Variants in WASF2 observed in about 807,000 individuals in gnomAD.
WASF2 encodes the protein WASP family member 2.
Under a neutral mutation model 45.0 loss-of-function variants are expected in WASF2, and 14 were observed. The observed-to-expected ratio is 0.31, with a 90% confidence interval of 0.21 to 0.49. The LOEUF is 0.49. WASF2 is among the 20% of genes least tolerant of loss of function. The pLI is 0.99. For missense variants in WASF2, 439 were observed against 636.1 expected (o/e 0.69, Z 3.33); for synonymous variants, 200 against 236.3 (o/e 0.85, Z 1.41).
At chr1:27,456,549 G>A (rs1032752818) in intron 1 of WASF2, among the ~76,000 whole-genome samples, 2 of 152,014 alleles carry the variant, frequency 1.3e-5, no homozygotes, top group Admixed American at 6.6e-5. Context: ...CATGGAAAGT[G>A]AAATTTAGAA....
At chr1:27,439,930 G>C (rs772196599) in intron 1 of WASF2, among the ~76,000 whole-genome samples, 1 of 152,160 alleles carries the variant, frequency 6.6e-6, no homozygotes, top group Non-Finnish European at 1.5e-5. Flanking sequence ...AACGCGGGAC[G>C]TTGAAGCTGC....
chr1:27,467,688 G>A (rs1416919599), intron 1 of WASF2, among the ~76,000 whole-genome samples: 4 of 151,352 alleles, frequency 2.6e-5, no homozygotes, highest in East Asian at 4.0e-4. Flanking sequence ...CGAGGTGGGC[G>A]GATCACGAGG....
At position 27,460,475 on chromosome 1, in the gene WASF2, T is replaced by C. The variant is rs138276958; in HGVS notation, c.-44+29511A>G. 5.3e-5 allele frequency among the ~76,000 whole-genome samples: 8 copies of C among 152,344 alleles called. No homozygotes were observed. The East Asian group carries it at 7.7e-4, about 15-fold the overall frequency. On this transcript the variant is annotated intron_variant, in intron 1 of 8. Transcript: ENST00000618852. The stretch of plus-strand genomic sequence containing the variant: ...CAATTATAATGAAGCAATTATCATG[T>C]CCTGTCACATTTGTGAAAACTAAAC...
At chr1:27,422,479 C>T (rs1045649139) in intron 2 of WASF2, among the ~76,000 whole-genome samples, 16 of 151,752 alleles carry the variant, frequency 1.1e-4, no homozygotes, top group African/African-American at 1.9e-4. Context: ...ATTAGCCAGG[C>T]GTGTTGGTGG....
chr1:27,461,397 T>C (rs1368346974), intron 1 of WASF2, among the ~76,000 whole-genome samples: 1 of 149,598 alleles, frequency 6.7e-6, no homozygotes, highest in Non-Finnish European at 1.5e-5. Flanking sequence ...TGGAGTGCAG[T>C]GGCGCTACCA....
At chr1:27,422,815 C>T (rs1270147878) in intron 2 of WASF2, among the ~76,000 whole-genome samples, 1 of 151,996 alleles carries the variant, frequency 6.6e-6, no homozygotes, top group Non-Finnish European at 1.5e-5. Flanking sequence ...CTTCCTTATA[C>T]TCCTCAACCA....
At chr1:27,458,019 G>A (rs932867210) in intron 1 of WASF2, among the ~76,000 whole-genome samples, 3 of 152,000 alleles carry the variant, frequency 2.0e-5, no homozygotes, top group Non-Finnish European at 4.4e-5. Flanking sequence ...GTTGTCAAAA[G>A]TATTTGTTGG....
intron 4 of WASF2, 122 bp from the exon 5 acceptor site, chr1:27,416,224 C>T (rs1238472672): frequency 7.7e-6 from 6 of 781,602 alleles, no homozygotes; most frequent in South Asian, 1.5e-5. Context: ...TCATTTGAAT[C>T]GATTGCATAC....
intron 1 of WASF2, among the ~76,000 whole-genome samples, chr1:27,483,632 TC>T (rs1171271800): frequency 1.3e-5 from 2 of 151,126 alleles, no homozygotes; most frequent in Non-Finnish European, 2.9e-5. Context: ...AGAGTGAGAC[TC>T]CATCTCAAAC....
Position 27,408,158 on chromosome 1 carries a change from G to A in WASF2, c.*31C>T. 1 of 1,600,626 alleles carries A rather than the reference G, an allele frequency of 6.2e-7. No homozygotes were observed. Among genetic ancestry groups the A allele is most frequent in the Non-Finnish European group, 8.5e-7 (1 of 1,170,380 alleles). The stretch of plus-strand genomic sequence containing the variant: ...TCAAAGAAGGCAGGTAGGAAGGAAA[G>A]AAAAAGAAGGTGGGCAGCAGGCAGA... On this transcript the variant is annotated 3_prime_UTR_variant, in exon 9 of 9. Coordinates refer to ENST00000618852, the MANE Select transcript of WASF2 (RefSeq NM_006990.5).
intron 1 of WASF2, among the ~76,000 whole-genome samples, chr1:27,443,485 C>T (rs1431003357): frequency 6.6e-6 from 1 of 151,362 alleles, no homozygotes; most frequent in Non-Finnish European, 1.5e-5. Flanking sequence ...TGGTGGCAGG[C>T]ACCTGTAATC....
At chr1:27,462,872 C>T (rs933183999) in intron 1 of WASF2, among the ~76,000 whole-genome samples, 6 of 151,830 alleles carry the variant, frequency 4.0e-5, no homozygotes, top group Non-Finnish European at 5.9e-5. Flanking sequence ...CTCACTCTGT[C>T]GCAATGGTGC....
intron 1 of WASF2, among the ~76,000 whole-genome samples, chr1:27,436,638 T>A (rs1247754040): frequency 1.3e-5 from 2 of 152,182 alleles, no homozygotes; most frequent in Non-Finnish European, 2.9e-5. Context: ...CAGTCCTCAT[T>A]ACCATGCAGC....
chr1:27,412,278 C>G (rs2016771412), intron 7 of WASF2, among the ~76,000 whole-genome samples: 1 of 152,172 alleles, frequency 6.6e-6, no homozygotes, highest in Admixed American at 6.5e-5. Flanking sequence ...ATGATCATGG[C>G]TCACTGCAGC....
intron 1 of WASF2, among the ~76,000 whole-genome samples, chr1:27,452,296 C>T (rs142489353): frequency 7.7e-4 from 117 of 152,248 alleles, no homozygotes; most frequent in Middle Eastern, 6.8e-3. Context: ...GGGTGGATCA[C>T]GAGGTCAAAA....
intron 1 of WASF2, among the ~76,000 whole-genome samples, chr1:27,479,341 C>T (rs1039320907): frequency 6.6e-6 from 1 of 151,940 alleles, no homozygotes; most frequent in Non-Finnish European, 1.5e-5. Context: ...ATCTTGGCAG[C>T]ACCTTCGAGG....
At chr1:27,459,372 G>C (rs900720006) in intron 1 of WASF2, 5 of 151,858 alleles carry the variant, frequency 3.3e-5, no homozygotes, top group African/African-American at 1.2e-4. Flanking sequence ...ATGTTATCCA[G>C]GCTGGTCTCC....
At chr1:27,426,156 A>G (rs1161889748) in intron 2 of WASF2, among the ~76,000 whole-genome samples, 2 of 152,202 alleles carry the variant, frequency 1.3e-5, no homozygotes, top group Non-Finnish European at 2.9e-5. Context: ...GGAAGAGGGG[A>G]GAGAAATAGT....
chr1:27,476,859 G>C (rs2017773157), intron 1 of WASF2, among the ~76,000 whole-genome samples: 1 of 152,224 alleles, frequency 6.6e-6, no homozygotes, highest in African/African-American at 2.4e-5. Context: ...GCAAGGCTCT[G>C]TGTGTTCAGC....
Sources: allele counts gnomAD v4.1 joint callset (sites outside exome capture counted in the v4.1 genomes callset), GRCh38; gene constraint gnomAD v4.1.1; transcripts MANE v1.5; gene names NCBI Gene and HGNC (gene_info 2026-07-23, HGNC 2026-07-21).